KIAA1549L: variants seen among roughly 807,000 people sequenced by gnomAD.
KIAA1549L encodes UPF0606 protein KIAA1549L.
In KIAA1549L, 88 loss-of-function variants were observed where a neutral mutation model predicts 160.7. The ratio of observed to expected loss-of-function variants is 0.55; its 90% CI spans 0.46 to 0.65. KIAA1549L has a LOEUF of 0.65. Ranked by LOEUF, KIAA1549L falls within the 30% of genes least tolerant of loss-of-function variation. The pLI, the probability that KIAA1549L is intolerant of heterozygous loss-of-function variation, is 0.00. For synonymous variants in KIAA1549L, 950 were observed against 976.7 expected, an observed-to-expected ratio of 0.97 and a Z score of 0.51; for missense variants, 2,258 against 2,437.5, an observed-to-expected ratio of 0.93 and a Z score of 1.55.
chr11:33,570,930 G>A (rs1855232188), intron 9 of KIAA1549L, among the ~76,000 whole-genome samples: 1 of 152,094 alleles, frequency 6.6e-6, no homozygotes, highest in African/African-American at 2.4e-5. Flanking sequence ...GAGCAACTGG[G>A]TATGATTTTT....
At chr11:33,560,433 C>T (rs1453704882) in intron 7 of KIAA1549L, among the ~76,000 whole-genome samples, 8 of 152,190 alleles carry the variant, frequency 5.3e-5, no homozygotes, top group East Asian at 1.9e-4. Flanking sequence ...CATCAGCAAA[C>T]GTTCCCAGAC....
At chr11:33,377,968 C>T (rs942308784) in intron 1 of KIAA1549L, among the ~76,000 whole-genome samples, 2 of 152,184 alleles carry the variant, frequency 1.3e-5, no homozygotes, top group African/African-American at 4.8e-5. Flanking sequence ...GAGTTACTGT[C>T]AGATAATGTT....
intron 18 of KIAA1549L, among the ~76,000 whole-genome samples, chr11:33,658,134 A>G (rs894890866): frequency 2.0e-5 from 3 of 152,214 alleles, no homozygotes; most frequent in Non-Finnish European, 4.4e-5. Flanking sequence ...CTTTCTGAGC[A>G]CTAAGTGGAA....
intron 1 of KIAA1549L, among the ~76,000 whole-genome samples, chr11:33,450,312 C>T (rs1434977516): frequency 6.6e-6 from 1 of 152,172 alleles, no homozygotes. Context: ...AATCCCAGCA[C>T]TTTGGGAGGC....
chr11:33,536,270 C>T (rs1438915622), intron 1 of KIAA1549L, among the ~76,000 whole-genome samples: 4 of 152,236 alleles, frequency 2.6e-5, no homozygotes, highest in Non-Finnish European at 5.9e-5. Flanking sequence ...GGGCACAGTG[C>T]GGATGGCTTT....
intron 1 of KIAA1549L, among the ~76,000 whole-genome samples, chr11:33,424,191 G>A (rs868641663): frequency 6.6e-5 from 10 of 152,286 alleles, no homozygotes; most frequent in Middle Eastern, 3.4e-3. Flanking sequence ...TCATGGCAAC[G>A]TTTTTTTGTG....
At chr11:33,541,217 T>G (rs1374602271) in intron 1 of KIAA1549L, among the ~76,000 whole-genome samples, 1 of 152,222 alleles carries the variant, frequency 6.6e-6, no homozygotes, top group East Asian at 1.9e-4. Flanking sequence ...CTGGTTTTTC[T>G]TTCTGAAATA....
At chr11:33,599,909 A>C (rs999129891) in intron 13 of KIAA1549L, among the ~76,000 whole-genome samples, 1 of 152,202 alleles carries the variant, frequency 6.6e-6, no homozygotes, top group Admixed American at 6.5e-5. Context: ...GCTTAGCTGC[A>C]CTTCCCTTTC....
At chr11:33,496,611 C>T (rs1037679750) in intron 1 of KIAA1549L, among the ~76,000 whole-genome samples, 17 of 152,124 alleles carry the variant, frequency 1.1e-4, no homozygotes, top group African/African-American at 3.9e-4. Context: ...CTTGGCAGAC[C>T]ACTGTAAGGC....
chr11:33,425,487 C>T (rs1218841381), intron 1 of KIAA1549L, among the ~76,000 whole-genome samples: 2 of 152,140 alleles, frequency 1.3e-5, no homozygotes, highest in Non-Finnish European at 2.9e-5. Flanking sequence ...AAGCCCTGGG[C>T]TCATAAGAGT....
chr11:33,601,104 C>T (rs1413768343), intron 13 of KIAA1549L, among the ~76,000 whole-genome samples: 1 of 152,164 alleles, frequency 6.6e-6, no homozygotes, highest in Non-Finnish European at 1.5e-5. Flanking sequence ...GAATAAAATG[C>T]AGTTACTATG....
intron 1 of KIAA1549L, among the ~76,000 whole-genome samples, chr11:33,490,033 C>T (rs1029804909): frequency 5.9e-5 from 9 of 152,052 alleles, no homozygotes; most frequent in Non-Finnish European, 1.2e-4. Context: ...AGGTGACTCA[C>T]CCAAGGTTAT....
chr11:33,533,501 T>A (rs1853824418), intron 1 of KIAA1549L, among the ~76,000 whole-genome samples: 1 of 152,230 alleles, frequency 6.6e-6, no homozygotes, highest in African/African-American at 2.4e-5. Flanking sequence ...ATTCATGGGA[T>A]TCTATGCAAA....
chr11:33,467,270 C>G lies in KIAA1549L; in HGVS notation c.239-74532C>G, dbSNP rs144435350. Among the ~76,000 whole-genome samples, 498 of 152,180 alleles carry G rather than the reference C, an allele frequency of 3.3e-3. 1 individual carries two copies. The highest frequency in any genetic ancestry group is 0.011 in the African/African-American group (466 of 41,492). Reference sequence around the variant, plus strand: ...AGAGGTGAGGGGTGGGAAAGGCAGTCTACAATGTATGGAGATGAGAATGTC... The same window carrying G: ...AGAGGTGAGGGGTGGGAAAGGCAGTGTACAATGTATGGAGATGAGAATGTC... On this transcript the variant is annotated intron_variant, in intron 1 of 20. Coordinates refer to ENST00000658780, the MANE Select transcript of KIAA1549L (RefSeq NM_012194.3).
intron 1 of KIAA1549L, among the ~76,000 whole-genome samples, chr11:33,399,269 T>C (rs1443160440): frequency 6.6e-6 from 1 of 152,130 alleles, no homozygotes; most frequent in Non-Finnish European, 1.5e-5. Flanking sequence ...GTGTTTATAA[T>C]GTCATGAGAT....
At chr11:33,530,693 G>A (rs1460613294) in intron 1 of KIAA1549L, among the ~76,000 whole-genome samples, 5 of 151,828 alleles carry the variant, frequency 3.3e-5, no homozygotes, top group African/African-American at 1.2e-4. Flanking sequence ...TGTGTGTGAT[G>A]TCCTAGCCCA....
intron 15 of KIAA1549L, among the ~76,000 whole-genome samples, chr11:33,617,032 T>C (rs1850829875): frequency 6.6e-6 from 1 of 151,078 alleles, no homozygotes; most frequent in Non-Finnish European, 1.5e-5. Context: ...ACCCAGCTAC[T>C]CAGGAGGGTG....
intron 1 of KIAA1549L, among the ~76,000 whole-genome samples, chr11:33,495,795 C>T (rs1296859429): frequency 6.6e-6 from 1 of 151,792 alleles, no homozygotes; most frequent in East Asian, 1.9e-4. Context: ...CCTGTTGTTT[C>T]CTGACTTTTT....
Position 33,673,379 on chromosome 11 carries a change from T to C in KIAA1549L, c.*5225T>C, listed in dbSNP as rs1027370029. The C allele has an allele frequency of 2.6e-5, 4 of 152,182 alleles. No individual in the cohort carries two copies. Among genetic ancestry groups the C allele is most frequent in the African/African-American group, 9.7e-5 (4 of 41,432 alleles). 9.4% of individuals were successfully genotyped at this position (152,182 alleles called of 1,614,324 possible). A position where few individuals can be genotyped will look rare whatever the true frequency, so the allele number is the denominator to read the frequency against. On this transcript the variant is annotated 3_prime_UTR_variant, in exon 21 of 21. Coordinates refer to ENST00000658780, the MANE Select transcript of KIAA1549L (RefSeq NM_012194.3). ...AATTACTGTGGCCCCATCTTATTTC[T>C]CCTCATTTCTTCCTTATGTTTAAAC...
Sources: allele counts gnomAD v4.1 joint callset (sites outside exome capture counted in the v4.1 genomes callset), GRCh38; gene constraint gnomAD v4.1.1; transcripts MANE v1.5; gene names NCBI Gene and HGNC (gene_info 2026-07-23, HGNC 2026-07-21).